The following CEP63 variants were observed in gnomAD, a reference collection of about 807,000 sequenced individuals.
CEP63 encodes the protein centrosomal protein 63, also known as centrosomal protein of 63 kDa.
A neutral mutation model predicts 89.1 loss-of-function variants in CEP63; 84 were observed. That is an observed-to-expected ratio of 0.94 (90% confidence interval 0.79 to 1.13). The LOEUF is 1.13. CEP63 is among the 50% of genes most tolerant of loss of function. The pLI, the probability that CEP63 is intolerant of heterozygous loss-of-function variation, is 0.00. For missense variants in CEP63, 838 were observed against 813.3 expected (o/e 1.03, Z -0.37); for synonymous variants, 267 against 272.5 (o/e 0.98, Z 0.20).
intron 3 of CEP63, among the ~76,000 whole-genome samples, chr3:134,528,593 T>TGTGTGG (rs769215255): frequency 6.7e-6 from 1 of 149,408 alleles, no homozygotes; most frequent in African/African-American, 2.5e-5. Context: ...TGTGTGTGTG[T>TGTGTGG]GGTGTTTTGA....
chr3:134,657,313 C>A, the CEP63 span, among the ~76,000 whole-genome samples: 1 of 152,226 alleles, frequency 6.6e-6, no homozygotes, highest in Admixed American at 6.5e-5. Context: ...GTCCCTCCCA[C>A]AACACACAGG....
the CEP63 span, among the ~76,000 whole-genome samples, chr3:134,738,823 G>A: frequency 1.5e-4 from 23 of 152,068 alleles, 1 homozygote; most frequent in Non-Finnish European, 2.9e-5. Flanking sequence ...TTTAAAATGG[G>A]CAAAATATCT....
At chr3:134,748,723 A>G in the CEP63 span, among the ~76,000 whole-genome samples, 510 of 152,310 alleles carry the variant, frequency 3.3e-3, 4 homozygotes, top group Middle Eastern at 0.048. Flanking sequence ...CTGGCTTTGA[A>G]TCAGTTGCCA....
intron 3 of CEP63, among the ~76,000 whole-genome samples, chr3:134,522,947 T>C (rs777012547): frequency 1.3e-5 from 2 of 152,156 alleles, no homozygotes; most frequent in African/African-American, 4.8e-5. Context: ...TTGAATGATA[T>C]TTCTGTTTTT....
chr3:134,708,517 G>C, the CEP63 span, among the ~76,000 whole-genome samples: 1 of 152,214 alleles, frequency 6.6e-6, no homozygotes, highest in Non-Finnish European at 1.5e-5. Flanking sequence ...GTTCTGTCTA[G>C]CTGTTGAAAA....
chr3:134,506,427 A>G (rs1943465799), intron 2 of CEP63, among the ~76,000 whole-genome samples: 1 of 152,194 alleles, frequency 6.6e-6, no homozygotes, highest in African/African-American at 2.4e-5. Context: ...AATGTGATGT[A>G]TAGGCTTGTC....
the CEP63 span, among the ~76,000 whole-genome samples, chr3:134,657,511 G>A: frequency 6.6e-6 from 1 of 152,168 alleles, no homozygotes; most frequent in East Asian, 1.9e-4. Flanking sequence ...CTCTTCAAAA[G>A]CTAATTTAAA....
chr3:134,658,103 A>G, the CEP63 span, among the ~76,000 whole-genome samples: 1 of 152,030 alleles, frequency 6.6e-6, no homozygotes, highest in Admixed American at 6.6e-5. Flanking sequence ...TCACTGTGTT[A>G]GCCAGGATAG....
chr3:134,773,311 GGAGCCA>G, the CEP63 span, among the ~76,000 whole-genome samples: 1 of 152,224 alleles, frequency 6.6e-6, no homozygotes, highest in African/African-American at 2.4e-5. Flanking sequence ...CCTTCTTGGA[GGAGCCA>G]GAGCCAGACT....
intron 2 of CEP63, among the ~76,000 whole-genome samples, chr3:134,498,729 C>G (rs1438920989): frequency 6.6e-6 from 1 of 152,062 alleles, no homozygotes; most frequent in Non-Finnish European, 1.5e-5. Context: ...AGGTATGTTC[C>G]TTCTATGCTT....
chr3:134,637,928 C>T, the CEP63 span, among the ~76,000 whole-genome samples: 1,515 of 152,346 alleles, frequency 9.9e-3, 26 homozygotes, highest in African/African-American at 0.035. Context: ...ATGCTCCAGC[C>T]ATCACTATTC....
downstream of CEP63, among the ~76,000 whole-genome samples, chr3:134,592,089 A>G (rs1958608404): frequency 6.6e-6 from 1 of 152,124 alleles, no homozygotes; most frequent in African/African-American, 2.4e-5. Flanking sequence ...GTTCCAGTCA[A>G]GAAGCTCACC....
At chr3:134,664,714 C>T in the CEP63 span, among the ~76,000 whole-genome samples, 56 of 151,846 alleles carry the variant, frequency 3.7e-4, 1 homozygote, top group South Asian at 0.011. Context: ...ACAAGCCATT[C>T]GAACTTTAGC....
the CEP63 span, among the ~76,000 whole-genome samples, chr3:134,666,393 A>G: frequency 2.0e-5 from 3 of 152,156 alleles, no homozygotes; most frequent in Admixed American, 6.5e-5. Flanking sequence ...GTTCCCAAAA[A>G]AGTCTTTCGT....
At chr3:134,604,876 G>A in the CEP63 span, among the ~76,000 whole-genome samples, 3 of 152,196 alleles carry the variant, frequency 2.0e-5, no homozygotes, top group Non-Finnish European at 2.9e-5. Flanking sequence ...GGTCTAGCTT[G>A]CACCTTGCTC....
the CEP63 span, among the ~76,000 whole-genome samples, chr3:134,712,525 A>G: frequency 6.6e-6 from 1 of 152,134 alleles, no homozygotes; most frequent in Non-Finnish European, 1.5e-5. Context: ...CAAAAATAAC[A>G]TCATATTCTT....
intron 11 of CEP63, among the ~76,000 whole-genome samples, chr3:134,550,687 T>C (rs1406158068): frequency 6.6e-6 from 1 of 152,110 alleles, no homozygotes; most frequent in East Asian, 1.9e-4. Flanking sequence ...GTGGAAGGTA[T>C]GAGACTGGAA....
chr3:134,780,732 G>A, the CEP63 span: 1 of 152,140 alleles, frequency 6.6e-6, no homozygotes, highest in Non-Finnish European at 1.5e-5. Context: ...TTCTCTCAGT[G>A]TATGGCTTAA....
At chr3:134,712,621 CT>C in the CEP63 span, among the ~76,000 whole-genome samples, 1 of 152,004 alleles carries the variant, frequency 6.6e-6, no homozygotes, top group South Asian at 2.1e-4. Flanking sequence ...CCTCCAAGTT[CT>C]TTTTCTTTTT....
Sources: gnomAD v4.1 joint callset for allele counts (sites outside exome capture counted in the v4.1 genomes callset) on GRCh38, gnomAD v4.1.1 for gene constraint, MANE v1.5 for transcripts, NCBI Gene and HGNC (gene_info 2026-07-23, HGNC 2026-07-21) for gene names.